The following TAFA1 variants were observed in gnomAD, a reference collection of about 807,000 sequenced individuals.
TAFA1 encodes the protein chemokine-like protein TAFA-1.
A neutral mutation model predicts 18.5 loss-of-function variants in TAFA1; 4 were observed. The ratio of observed to expected loss-of-function variants is 0.22; its 90% CI spans 0.11 to 0.49. The LOEUF (loss-of-function observed/expected upper bound fraction) is 0.49. Among genes scored for constraint, TAFA1 ranks in the 20% least tolerant of loss-of-function variants. TAFA1 has a pLI of 0.98. For synonymous variants in TAFA1, 56 were observed against 55.2 expected, an observed-to-expected ratio of 1.01 and a Z score of -0.06; for missense variants, 147 against 169.0, an observed-to-expected ratio of 0.87 and a Z score of 0.72.
At chr3:68,090,585 C>T (rs906530887) in intron 2 of TAFA1, among the ~76,000 whole-genome samples, 1 of 152,142 alleles carries the variant, frequency 6.6e-6, no homozygotes, top group African/African-American at 2.4e-5. Context: ...TTTTGTGCCT[C>T]TCATGGGTGA....
chr3:68,150,442 A>G (rs935209320), intron 2 of TAFA1, among the ~76,000 whole-genome samples: 6 of 152,246 alleles, frequency 3.9e-5, no homozygotes, highest in Non-Finnish European at 7.3e-5. Flanking sequence ...CAGTTTGGAA[A>G]TTAAGAAATT....
chr3:68,169,322 C>T (rs2066023463), intron 2 of TAFA1, among the ~76,000 whole-genome samples: 1 of 152,194 alleles, frequency 6.6e-6, no homozygotes, highest in South Asian at 2.1e-4. Flanking sequence ...AACTGAGGCC[C>T]TTGAATAAAA....
intron 2 of TAFA1, among the ~76,000 whole-genome samples, chr3:68,120,173 C>CTT (rs750923418): frequency 0.029 from 482 of 16,454 alleles, 9 homozygotes; most frequent in Middle Eastern, 0.1. Flanking sequence ...CTTTCTTTCT[C>CTT]TTTCTTTCTT....
At chr3:68,043,242 G>GTGAT (rs1705204123) in intron 2 of TAFA1, among the ~76,000 whole-genome samples, 1 of 152,122 alleles carries the variant, frequency 6.6e-6, no homozygotes, top group South Asian at 2.1e-4. Context: ...AAACTGACAG[G>GTGAT]TGATTGCCTT....
intron 2 of TAFA1, among the ~76,000 whole-genome samples, chr3:68,072,738 G>A (rs1168533771): frequency 2.0e-5 from 3 of 152,188 alleles, no homozygotes; most frequent in Non-Finnish European, 2.9e-5. Flanking sequence ...GTTTTGGGCT[G>A]TGGAGTTTGT....
intron 2 of TAFA1, among the ~76,000 whole-genome samples, chr3:68,139,037 C>T (rs2065639949): frequency 6.6e-6 from 1 of 152,108 alleles, no homozygotes; most frequent in African/African-American, 2.4e-5. Context: ...CATGTAGAAA[C>T]AGGCAGATTG....
intron 2 of TAFA1, among the ~76,000 whole-genome samples, chr3:68,054,655 A>G (rs1190854643): frequency 2.6e-5 from 4 of 152,210 alleles, no homozygotes; most frequent in African/African-American, 7.2e-5. Context: ...CTTTCACACT[A>G]CAACAGCAGA....
intron 2 of TAFA1, among the ~76,000 whole-genome samples, chr3:68,380,423 G>A (rs1462060603): frequency 6.6e-6 from 1 of 152,104 alleles, no homozygotes; most frequent in Non-Finnish European, 1.5e-5. Flanking sequence ...ATCCTCTCCA[G>A]CACCTGTTGT....
At chr3:68,091,324 G>A (rs1291512488) in intron 2 of TAFA1, among the ~76,000 whole-genome samples, 10 of 152,102 alleles carry the variant, frequency 6.6e-5, no homozygotes, top group Admixed American at 6.5e-4. Context: ...ATATCTTAAA[G>A]TTAGTATGTT....
chr3:68,097,834 A>G (rs1302944355), intron 2 of TAFA1, among the ~76,000 whole-genome samples: 1 of 152,164 alleles, frequency 6.6e-6, no homozygotes, highest in Non-Finnish European at 1.5e-5. Context: ...CCTGCAGGGA[A>G]GGGAATAAAG....
rs1220840280 is a variant in TAFA1, at chr3:68,539,027, C to A, written c.384+147C>A. 6 of 780,522 alleles carry A rather than the reference C, an allele frequency of 7.7e-6. No homozygotes were observed. The East Asian group carries it at 1.4e-4, about 19-fold the overall frequency. 48.3% of individuals were successfully genotyped at this position (780,522 alleles called of 1,614,324 possible). ...CATTCTGAACTATGCAGATCAGTGT[C>A]CATCCGTGAATGAGACGTTAGAGAT... On this transcript the variant is annotated intron_variant, in intron 4 of 4. Transcript: ENST00000478136.
intron 2 of TAFA1, among the ~76,000 whole-genome samples, chr3:68,026,769 G>A (rs1211536286): frequency 6.6e-6 from 1 of 152,090 alleles, no homozygotes; most frequent in African/African-American, 2.4e-5. Flanking sequence ...TATGTACCTT[G>A]TTTCTGAAAA....
chr3:68,118,530 C>T (rs1240522607), intron 2 of TAFA1, among the ~76,000 whole-genome samples: 1 of 152,154 alleles, frequency 6.6e-6, no homozygotes, highest in African/African-American at 2.4e-5. Flanking sequence ...CTCTCTATTT[C>T]CTCCTCTTTC....
intron 3 of TAFA1, among the ~76,000 whole-genome samples, chr3:68,443,870 C>T (rs1032315736): frequency 6.6e-6 from 1 of 152,152 alleles, no homozygotes; most frequent in Non-Finnish European, 1.5e-5. Flanking sequence ...TCCCTCACCG[C>T]ATCCCAAATA....
intron 3 of TAFA1, among the ~76,000 whole-genome samples, chr3:68,436,665 A>G (rs1371765590): frequency 3.3e-5 from 5 of 152,168 alleles, no homozygotes; most frequent in African/African-American, 1.2e-4. Flanking sequence ...GAATAAATTT[A>G]AGGATTGCTC....
chr3:68,017,369 G>T (rs1704591669), intron 2 of TAFA1, among the ~76,000 whole-genome samples: 1 of 152,202 alleles, frequency 6.6e-6, no homozygotes, highest in South Asian at 2.1e-4. Context: ...CAAATTTATG[G>T]CGTGCATGTT....
chr3:68,351,385 C>T (rs919872299), intron 2 of TAFA1, among the ~76,000 whole-genome samples: 2 of 151,948 alleles, frequency 1.3e-5, no homozygotes, highest in African/African-American at 4.8e-5. Context: ...GGGTAAACAC[C>T]ACACCAGAGA....
In TAFA1 at chr3:68,417,269, T is replaced by C. The variant is rs768337402; in HGVS notation, c.119-11T>C. On this transcript the variant is annotated splice_polypyrimidine_tract_variant and intron_variant, in intron 2 of 4. Coordinates refer to ENST00000478136, the MANE Select transcript of TAFA1 (RefSeq NM_213609.4). ...TTCTAATCAGTGTCCCTGTTCTTTC[T>C]CTCTTGCCAGAAGGAGGGACGTGTG... 2 of 1,612,348 alleles carry C rather than the reference T, an allele frequency of 1.2e-6. No individual in the cohort carries two copies. Among genetic ancestry groups the C allele is most frequent in the South Asian group, 2.2e-5 (2 of 90,896 alleles).
intron 3 of TAFA1, among the ~76,000 whole-genome samples, chr3:68,456,091 A>G (rs1051843578): frequency 6.6e-6 from 1 of 152,190 alleles, no homozygotes; most frequent in Non-Finnish European, 1.5e-5. Flanking sequence ...ATTATTTACT[A>G]GCAAGGTACT....
Sources: gnomAD v4.1 joint callset for allele counts (sites outside exome capture counted in the v4.1 genomes callset) on GRCh38, gnomAD v4.1.1 for gene constraint, MANE v1.5 for transcripts, NCBI Gene and HGNC (gene_info 2026-07-23, HGNC 2026-07-21) for gene names.